Variants in SCFD2 observed in about 807,000 individuals in gnomAD.
SCFD2 encodes the protein sec1 family domain-containing protein 2.
In SCFD2, 54 loss-of-function variants were observed where a neutral mutation model predicts 58.9. The observed-to-expected ratio is 0.92, with a 90% CI of 0.74 to 1.15. The LOEUF is 1.15. Among genes scored for constraint, SCFD2 ranks in the 50% most tolerant of loss-of-function variants. The pLI, the probability that SCFD2 is intolerant of heterozygous loss-of-function variation, is 0.00. For synonymous variants in SCFD2, 321 were observed against 335.9 expected, an observed-to-expected ratio of 0.96 and a Z score of 0.49; for missense variants, 805 against 836.6, an observed-to-expected ratio of 0.96 and a Z score of 0.47.
At chr4:53,103,915 A>T (rs1340626135) in intron 5 of SCFD2, among the ~76,000 whole-genome samples, 1 of 150,684 alleles carries the variant, frequency 6.6e-6, no homozygotes, top group Admixed American at 6.6e-5. Flanking sequence ...AAAAAAAAAA[A>T]AGAAAATGAC....
At chr4:53,033,559 G>A (rs1342490469) in intron 5 of SCFD2, among the ~76,000 whole-genome samples, 1 of 151,906 alleles carries the variant, frequency 6.6e-6, no homozygotes, top group East Asian at 1.9e-4. Flanking sequence ...CAACAAAATA[G>A]ATAGACCACT....
At chr4:53,040,155 T>G (rs1046724167) in intron 5 of SCFD2, among the ~76,000 whole-genome samples, 2 of 152,072 alleles carry the variant, frequency 1.3e-5, no homozygotes, top group South Asian at 2.1e-4. Context: ...TCTTTTTGAG[T>G]TGAATTCTCC....
At chr4:53,006,251 C>A (rs1290455545) in intron 5 of SCFD2, among the ~76,000 whole-genome samples, 1 of 152,204 alleles carries the variant, frequency 6.6e-6, no homozygotes, top group Non-Finnish European at 1.5e-5. Context: ...CCATCACCAG[C>A]AAAAGCCTCT....
chr4:53,239,590 T>A (rs1159685805), intron 4 of SCFD2, among the ~76,000 whole-genome samples: 5 of 152,196 alleles, frequency 3.3e-5, no homozygotes. Flanking sequence ...GTTCAAGTGA[T>A]TCTCCTGCCT....
At chr4:52,891,609 G>T (rs1050821041) in intron 7 of SCFD2, among the ~76,000 whole-genome samples, 3 of 152,162 alleles carry the variant, frequency 2.0e-5, no homozygotes, top group African/African-American at 7.2e-5. Flanking sequence ...TCCACATACC[G>T]CCTTTTCCCA....
rs750210443 is a variant in SCFD2, at chr4:53,145,573, C to A, written c.1321G>T (p.Glu441Ter). The A allele has an allele frequency of 6.2e-6, 10 of 1,609,870 alleles. No individual in the cohort carries two copies. Among genetic ancestry groups the A allele is most frequent in the South Asian group, 1.1e-5 (1 of 89,884 alleles). ...FERLLLQSIG[E>*]SAMSVVLNQL... ...TTTAACACAACGGACATTGCTGACT[C>A]CCCAATGCTCTAAAATAAAAAATGA... Residue 441 changes from glutamate (E) to a stop codon, truncating the protein, a stop_gained, in exon 5 of 9, where the codon GAG (glutamate) becomes TAG (stop). Transcript: ENST00000401642. LOFTEE classifies it high-confidence loss of function.
intron 5 of SCFD2, among the ~76,000 whole-genome samples, chr4:53,099,653 G>A (rs553125391): frequency 6.6e-6 from 1 of 152,274 alleles, no homozygotes; most frequent in South Asian, 2.1e-4. Flanking sequence ...GAGGAGAGGT[G>A]TCAGCCTGTT....
intron 6 of SCFD2, among the ~76,000 whole-genome samples, chr4:52,919,522 G>A (rs939063743): frequency 6.6e-6 from 1 of 152,176 alleles, no homozygotes; most frequent in Non-Finnish European, 1.5e-5. Context: ...ATCTTGGTAG[G>A]TGATTTCAGA....
intron 3 of SCFD2, among the ~76,000 whole-genome samples, chr4:53,290,240 A>G (rs1731795543): frequency 6.6e-6 from 1 of 152,188 alleles, no homozygotes; most frequent in African/African-American, 2.4e-5. Context: ...AGGTCTTAAC[A>G]AACTTAAGAA....
intron 5 of SCFD2, among the ~76,000 whole-genome samples, chr4:53,127,748 A>G (rs1189746624): frequency 6.6e-6 from 1 of 152,124 alleles, no homozygotes; most frequent in Non-Finnish European, 1.5e-5. Flanking sequence ...TCTGGGACAG[A>G]GGGAATGAAA....
intron 5 of SCFD2, among the ~76,000 whole-genome samples, chr4:53,014,327 G>C (rs1479977697): frequency 6.6e-6 from 1 of 152,204 alleles, no homozygotes; most frequent in African/African-American, 2.4e-5. Flanking sequence ...CGCACTGAAG[G>C]GGAGGTTAGA....
At chr4:53,335,501 C>G (rs1274057751) in intron 2 of SCFD2, among the ~76,000 whole-genome samples, 1 of 152,106 alleles carries the variant, frequency 6.6e-6, no homozygotes. Context: ...CTTGTCTAAT[C>G]TACAATATAT....
chr4:53,035,508 C>G (rs1311183379), intron 5 of SCFD2, among the ~76,000 whole-genome samples: 1 of 152,052 alleles, frequency 6.6e-6, no homozygotes, highest in Non-Finnish European at 1.5e-5. Context: ...TTCTGCACAG[C>G]AAAAGAAACT....
chr4:53,275,855 G>C (rs755070940), intron 3 of SCFD2, among the ~76,000 whole-genome samples: 39 of 152,140 alleles, frequency 2.6e-4, no homozygotes, highest in Non-Finnish European at 5.7e-4. Context: ...GCTTGTATTA[G>C]TAGTTTGCTC....
chr4:53,257,566 G>A (rs1411001544), intron 4 of SCFD2, among the ~76,000 whole-genome samples: 1 of 152,136 alleles, frequency 6.6e-6, no homozygotes, highest in East Asian at 1.9e-4. Flanking sequence ...TGGAAATCAG[G>A]AGTGGGAGAA....
chr4:53,079,351 A>G (rs995916203), intron 5 of SCFD2, among the ~76,000 whole-genome samples: 2 of 152,332 alleles, frequency 1.3e-5, no homozygotes, highest in South Asian at 2.1e-4. Context: ...CAGTCTACCA[A>G]TTCAAATGCA....
At chr4:53,298,766 G>A (rs1427958343) in intron 3 of SCFD2, among the ~76,000 whole-genome samples, 1 of 152,114 alleles carries the variant, frequency 6.6e-6, no homozygotes, top group Admixed American at 6.5e-5. Flanking sequence ...GAACGATCAG[G>A]CAGCAGCATT....
At chr4:53,310,074 CAA>C (rs1247039858) in intron 3 of SCFD2, among the ~76,000 whole-genome samples, 1 of 152,050 alleles carries the variant, frequency 6.6e-6, no homozygotes, top group Non-Finnish European at 1.5e-5. Flanking sequence ...AAGAAAGTGG[CAA>C]AGTCTAGTAG....
rs559978190 is a variant in SCFD2 at position 53,214,103 on chromosome 4, C to A, written c.1311+59723G>T. 2.6e-5 allele frequency among the ~76,000 whole-genome samples: 4 copies of A among 152,160 alleles called. No individual in the cohort carries two copies. The East Asian group carries it at 7.7e-4, about 29-fold the overall frequency. ...CAAGTCTTTGCTATTGTAAATAGTG[C>A]CACAGTAAACATACGTGTGCATGTG... On this transcript the variant is annotated intron_variant, in intron 4 of 8. Transcript: ENST00000401642.
Sources: allele counts gnomAD v4.1 joint callset (sites outside exome capture counted in the v4.1 genomes callset), GRCh38; gene constraint gnomAD v4.1.1; transcripts MANE v1.5; gene names NCBI Gene and HGNC (gene_info 2026-07-23, HGNC 2026-07-21).